The following KIF6 variants were observed in gnomAD, a reference collection of about 807,000 sequenced individuals.
The protein encoded by KIF6 is kinesin family member 6, also known as kinesin-like protein KIF6.
KIF6 carries 106 observed loss-of-function variants against 112.7 expected under a neutral mutation model. That is an observed-to-expected ratio of 0.94 (90% CI 0.80 to 1.11). The LOEUF is 1.11. KIF6 is among the 50% of genes least tolerant of loss of function. The pLI is 0.00. For synonymous variants in KIF6, 339 were observed against 339.9 expected (o/e 1.00, Z 0.03); for missense variants, 929 against 964.0 (o/e 0.96, Z 0.48).
At chr6:39,455,380 C>A (rs1490290084) in intron 13 of KIF6, among the ~76,000 whole-genome samples, 1 of 151,644 alleles carries the variant, frequency 6.6e-6, no homozygotes, top group Non-Finnish European at 1.5e-5. Flanking sequence ...ACATCACCAT[C>A]ATCAAAGACC....
At chr6:39,430,873 G>C (rs1771105583) in intron 14 of KIF6, among the ~76,000 whole-genome samples, 180 bp downstream of exon 14, 1 of 152,196 alleles carries the variant, frequency 6.6e-6, no homozygotes, top group Non-Finnish European at 1.5e-5. Context: ...GGATGGTGAG[G>C]CTCACACATG....
intron 10 of KIF6, among the ~76,000 whole-genome samples, 166 bp from the exon 11 acceptor site, chr6:39,545,854 T>A (rs1220213225): frequency 6.6e-6 from 1 of 152,194 alleles, no homozygotes; most frequent in Non-Finnish European, 1.5e-5. Context: ...ATTGACAAAG[T>A]GAAATTTATA....
At position 39,634,697 on chromosome 6, in the gene KIF6, GA is replaced by G. The variant is rs200804439; in HGVS notation, c.509+151del. On this transcript the variant is annotated intron_variant, in intron 5 of 22. Coordinates refer to ENST00000287152, the MANE Select transcript of KIF6 (RefSeq NM_145027.6). ...TCACTACTGTCCATTTGTCATAACTGAAAAAAAAATCCATTATATTACAAAA... is the reference window on the plus strand; with the variant it reads ...TCACTACTGTCCATTTGTCATAACTGAAAAAAAATCCATTATATTACAAAA... The G allele has an allele frequency of 1.6e-3, 993 of 637,362 alleles. 9 individuals are homozygous for G. The highest frequency in any genetic ancestry group is 0.013 in the African/African-American group (714 of 53,426). 39.5% of individuals were successfully genotyped at this position (637,362 alleles called of 1,614,324 possible).
At chr6:39,662,496 C>T (rs1338847237) in intron 3 of KIF6, among the ~76,000 whole-genome samples, 3 of 152,128 alleles carry the variant, frequency 2.0e-5, no homozygotes, top group Non-Finnish European at 4.4e-5. Flanking sequence ...ATGAAAGAGA[C>T]TATTCTTATA....
rs552030563 is a variant in KIF6 at position 39,363,111 on chromosome 6, T to G, written c.1862-593A>C. Among the ~76,000 whole-genome samples, 11 of 152,316 alleles carry G rather than the reference T, an allele frequency of 7.2e-5. No individual in the cohort carries two copies. In the South Asian group the frequency reaches 1.9e-3, roughly 26 times the overall value. ...TTGCAGTGAGCCGAGATCATGCCAT[T>G]GCACTCCAGCTTGGGCAACAAGAGA... On this transcript the variant is annotated intron_variant, in intron 16 of 22. Transcript: ENST00000287152.
chr6:39,337,219 C>CT (rs1198128146), intron 22 of KIF6, among the ~76,000 whole-genome samples: 1 of 95,464 alleles, frequency 1.0e-5, no homozygotes, highest in East Asian at 2.5e-4. Context: ...TTCTTTCTTT[C>CT]TTTCTTTCTT....
At chr6:39,532,724 T>G (rs1364546062) in intron 13 of KIF6, among the ~76,000 whole-genome samples, 2 of 152,264 alleles carry the variant, frequency 1.3e-5, no homozygotes, top group African/African-American at 4.8e-5. Context: ...AGCACCATAC[T>G]GCTTAATTAT....
chr6:39,484,406 G>A (rs748279326), intron 13 of KIF6, among the ~76,000 whole-genome samples: 1 of 152,108 alleles, frequency 6.6e-6, no homozygotes, highest in African/African-American at 2.4e-5. Context: ...TCATAAAAGC[G>A]ACACAAGCAA....
In KIF6 at chr6:39,396,659, A is replaced by G. The variant is rs115216358; in HGVS notation, c.1811-10987T>C. On this transcript the variant is annotated intron_variant, in intron 15 of 22. Coordinates refer to ENST00000287152, the MANE Select transcript of KIF6 (RefSeq NM_145027.6). ...GGCTACTTAATCCCTTTGAGCCTCA[A>G]TTTCTTCATTAAAATAGGGTGATAA... is the stretch of plus-strand genomic sequence containing the variant. 4.9e-3 allele frequency among the ~76,000 whole-genome samples: 739 copies of G among 152,252 alleles called. 3 individuals carry two copies. Among genetic ancestry groups the G allele is most frequent in the Non-Finnish European group, 7.9e-3 (540 of 67,990 alleles).
chr6:39,625,514 C>A (rs1211717528), intron 5 of KIF6, among the ~76,000 whole-genome samples: 1 of 152,190 alleles, frequency 6.6e-6, no homozygotes, highest in African/African-American at 2.4e-5. Flanking sequence ...CAGGAAAGCA[C>A]CCCCAACTCC....
At chr6:39,470,294 A>T (rs1774042954) in intron 13 of KIF6, among the ~76,000 whole-genome samples, 1 of 152,212 alleles carries the variant, frequency 6.6e-6, no homozygotes. Context: ...AAACCAATGC[A>T]GTAACAGCAG....
At chr6:39,553,356 GCA>G (rs1489553906) in intron 10 of KIF6, among the ~76,000 whole-genome samples, 3 of 152,150 alleles carry the variant, frequency 2.0e-5, no homozygotes, top group African/African-American at 7.2e-5. Context: ...CTCAACAAAA[GCA>G]CAGTCATGTA....
chr6:39,433,136 C>T (rs1369266992), intron 13 of KIF6, among the ~76,000 whole-genome samples: 2 of 152,236 alleles, frequency 1.3e-5, no homozygotes, highest in Admixed American at 6.5e-5. Flanking sequence ...GGCACTGTGG[C>T]GGCAGCCACT....
rs1359379488 is a variant in KIF6 at position 39,360,410 on chromosome 6, C to T, written c.2067G>A (p.Glu689=). Reference sequence around the variant, plus strand: ...CAGGCCATACCTGCAGGTTGGTGGCCTCCTCTGCCCACCAGACTTCAAACT... The same window carrying T: ...CAGGCCATACCTGCAGGTTGGTGGCTTCCTCTGCCCACCAGACTTCAAACT... ...QKEFEVWWAE[E]ATNLQVNSPA... The change falls in exon 18 of 23, where the codon GAG becomes GAA. Residue 689 remains glutamate, a synonymous_variant. Coordinates refer to ENST00000287152, the MANE Select transcript of KIF6 (RefSeq NM_145027.6). The T allele has an allele frequency of 6.2e-7, 1 of 1,614,068 alleles. No homozygotes were observed. The highest frequency in any genetic ancestry group is 8.5e-7 in the Non-Finnish European group (1 of 1,180,030).
chr6:39,389,762 G>A (rs1319194724), intron 15 of KIF6, among the ~76,000 whole-genome samples: 1 of 152,122 alleles, frequency 6.6e-6, no homozygotes, highest in East Asian at 1.9e-4. Flanking sequence ...CAGGCATGGT[G>A]GTTCATGCCT....
chr6:39,419,808 C>T (rs1403204161), intron 15 of KIF6, 140 bp downstream of exon 15: 1 of 782,266 alleles, frequency 1.3e-6, no homozygotes, highest in African/African-American at 1.7e-5. Context: ...CTAGGGAAGG[C>T]TCTCAAAGCA....
intron 7 of KIF6, among the ~76,000 whole-genome samples, chr6:39,590,446 TATATA>T (rs1172974546): frequency 8.2e-6 from 1 of 121,418 alleles, no homozygotes; most frequent in Non-Finnish European, 1.7e-5. Context: ...TATATATATA[TATATA>T]TTTTTTTTTT....
At position 39,431,398 on chromosome 6, in the gene KIF6, G is replaced by A. The variant is rs116377861; in HGVS notation, c.1646-237C>T. ...GTGCCTGCACAGCCATGTGACTCGT[G>A]GGGGGCGGGGTTTGGAATGCCTGCT... On this transcript the variant is annotated intron_variant, in intron 13 of 22. Transcript: ENST00000287152. The A allele has an allele frequency of 2.1e-5, 8 of 382,136 alleles. No individual in the cohort carries two copies. In the Admixed American group the frequency reaches 2.2e-4, roughly 11 times the overall value. The allele number at this position is 382,136 out of a possible 1,614,324, so 23.7% of individuals were successfully genotyped here. A position where few individuals can be genotyped will look rare whatever the true frequency, so the allele number is the denominator to read the frequency against.
At chr6:39,506,735 C>T (rs1382381624) in intron 13 of KIF6, among the ~76,000 whole-genome samples, 1 of 152,122 alleles carries the variant, frequency 6.6e-6, no homozygotes, top group African/African-American at 2.4e-5. Context: ...TGAGGTGACT[C>T]TTGGTGGGCT....
Sources: allele counts gnomAD v4.1 joint callset (sites outside exome capture counted in the v4.1 genomes callset), GRCh38; gene constraint gnomAD v4.1.1; transcripts MANE v1.5; gene names NCBI Gene and HGNC (gene_info 2026-07-23, HGNC 2026-07-21).